DLG2: variants seen among roughly 807,000 people sequenced by gnomAD.
DLG2 encodes disks large homolog 2.
Under a neutral mutation model 132.5 loss-of-function variants are expected in DLG2, and 45 were observed. The observed-to-expected ratio is 0.34, with a 90% CI of 0.27 to 0.44. The LOEUF is 0.44. DLG2 is among the 20% of genes least tolerant of loss of function. The pLI, the probability that DLG2 is intolerant of heterozygous loss-of-function variation, is 1.00. For synonymous variants in DLG2, 424 were observed against 419.6 expected, an observed-to-expected ratio of 1.01 and a Z score of -0.13; for missense variants, 1,045 against 1,196.9, an observed-to-expected ratio of 0.87 and a Z score of 1.87.
chr11:84,620,976 T>C (rs373599656), intron 6 of DLG2, among the ~76,000 whole-genome samples: 2 of 152,114 alleles, frequency 1.3e-5, no homozygotes, highest in Admixed American at 1.3e-4. Flanking sequence ...TGAATAAATA[T>C]TATCCCAGAA....
chr11:84,232,080 A>AAT (rs1045610201), intron 8 of DLG2, among the ~76,000 whole-genome samples: 6 of 151,736 alleles, frequency 4.0e-5, no homozygotes, highest in African/African-American at 1.5e-4. Context: ...TAAGGAAAAA[A>AAT]ATATATATAA....
At chr11:84,868,110 T>C (rs1358558502) in intron 6 of DLG2, among the ~76,000 whole-genome samples, 1 of 148,006 alleles carries the variant, frequency 6.8e-6, no homozygotes, top group Non-Finnish European at 1.5e-5. Flanking sequence ...TATATTATTA[T>C]ATATTAATAA....
intron 3 of DLG2, among the ~76,000 whole-genome samples, chr11:85,519,715 T>C (rs1481673158): frequency 1.3e-5 from 2 of 152,130 alleles, no homozygotes; most frequent in African/African-American, 2.4e-5. Flanking sequence ...TGGAATAATA[T>C]GGTTTGGCTC....
At chr11:85,474,878 T>TA (rs2093092914) in intron 3 of DLG2, among the ~76,000 whole-genome samples, 1 of 151,634 alleles carries the variant, frequency 6.6e-6, no homozygotes, top group Non-Finnish European at 1.5e-5. Context: ...GTAAAAAGTT[T>TA]ATATCTTTCA....
chr11:83,613,085 T>C (rs1355604535), intron 19 of DLG2, among the ~76,000 whole-genome samples: 1 of 152,128 alleles, frequency 6.6e-6, no homozygotes. Flanking sequence ...TGCAGAGGCC[T>C]GGGATAGGCT....
chr11:85,497,258 C>T (rs1488590775), intron 3 of DLG2, among the ~76,000 whole-genome samples: 4 of 151,588 alleles, frequency 2.6e-5, no homozygotes, highest in Admixed American at 2.6e-4. Flanking sequence ...CTGAAAACCA[C>T]AGTACGAGAA....
In DLG2 at chr11:83,980,645, A is replaced by G. The variant is rs1239609906; in HGVS notation, c.920-3T>C. The stretch of plus-strand genomic sequence containing the variant: ...TCCTGCAATACTGAAGCCTAAACCT[A>G]TAAGAAAGGAACAGAAAATGGAAAG... On this transcript the variant is annotated splice_region_variant and splice_polypyrimidine_tract_variant and intron_variant, in intron 11 of 27. Coordinates refer to ENST00000376104, the MANE Select transcript of DLG2 (RefSeq NM_001142699.3). 5 of 1,573,890 alleles carry G rather than the reference A, an allele frequency of 3.2e-6. No individual in the cohort carries two copies. Among genetic ancestry groups the G allele is most frequent in the South Asian group, 2.4e-5 (2 of 83,972 alleles).
chr11:84,048,132 TATG>T (rs998266842), intron 11 of DLG2, among the ~76,000 whole-genome samples: 4 of 151,326 alleles, frequency 2.6e-5, no homozygotes, highest in Non-Finnish European at 5.9e-5. Context: ...ATTTATCAAA[TATG>T]GTGTCCTTCA....
At chr11:84,640,213 T>C (rs1048588373) in intron 6 of DLG2, 9 of 291,016 alleles carry the variant, frequency 3.1e-5, no homozygotes, top group Non-Finnish European at 5.3e-5. Flanking sequence ...TTTGTAGTCA[T>C]GCACAGAACA....
chr11:84,132,129 C>T (rs914293947), intron 9 of DLG2, among the ~76,000 whole-genome samples: 4 of 151,934 alleles, frequency 2.6e-5, no homozygotes, highest in African/African-American at 9.7e-5. Context: ...ATATCAAAAG[C>T]AGGGCATGAC....
At chr11:83,665,471 T>C (rs563371338) in intron 18 of DLG2, among the ~76,000 whole-genome samples, 65 of 152,242 alleles carry the variant, frequency 4.3e-4, no homozygotes, top group African/African-American at 1.5e-3. Flanking sequence ...AGAGTACAAA[T>C]GGGGGTTATA....
intron 16 of DLG2, among the ~76,000 whole-genome samples, chr11:83,840,987 A>G (rs1224159041): frequency 6.6e-6 from 1 of 152,080 alleles, no homozygotes; most frequent in Admixed American, 6.6e-5. Flanking sequence ...CTCAAGACCC[A>G]TGATCTTCAT....
intron 6 of DLG2, among the ~76,000 whole-genome samples, chr11:85,079,290 G>T (rs768743883): frequency 1.3e-4 from 20 of 152,180 alleles, no homozygotes; most frequent in Non-Finnish European, 2.6e-4. Flanking sequence ...GCTTCAGAGA[G>T]AGTAGATTGT....
intron 17 of DLG2, among the ~76,000 whole-genome samples, chr11:83,801,778 G>A (rs989410655): frequency 6.6e-6 from 1 of 151,998 alleles, no homozygotes; most frequent in African/African-American, 2.4e-5. Context: ...CCCGAGAAAA[G>A]CTTCCCATAA....
intron 4 of DLG2, among the ~76,000 whole-genome samples, chr11:85,270,465 G>C (rs1480703366): frequency 6.6e-6 from 1 of 152,164 alleles, no homozygotes; most frequent in Admixed American, 6.5e-5. Flanking sequence ...AGCTAATACA[G>C]TAATTTGGTA....
chr11:83,771,474 C>G (rs926080378), intron 18 of DLG2, among the ~76,000 whole-genome samples: 53 of 152,160 alleles, frequency 3.5e-4, no homozygotes, highest in African/African-American at 1.3e-3. Flanking sequence ...TCAGAGTGCA[C>G]TTACATGAAC....
intron 22 of DLG2, among the ~76,000 whole-genome samples, chr11:83,473,686 G>C (rs936263966): frequency 3.3e-5 from 5 of 152,024 alleles, no homozygotes; most frequent in African/African-American, 1.2e-4. Flanking sequence ...AGAAGAAATA[G>C]TGGAGCAGAA....
At chr11:84,666,656 A>C (rs1175417678) in intron 6 of DLG2, among the ~76,000 whole-genome samples, 1 of 152,114 alleles carries the variant, frequency 6.6e-6, no homozygotes, top group Non-Finnish European at 1.5e-5. Context: ...GTGTGTATAC[A>C]CATATATTTG....
intron 3 of DLG2, among the ~76,000 whole-genome samples, chr11:85,498,795 C>T (rs886967073): frequency 2.6e-5 from 4 of 151,206 alleles, no homozygotes; most frequent in South Asian, 2.1e-4. Flanking sequence ...TAAACTGGCT[C>T]AAATCTGCAC....
Sources: gnomAD v4.1 joint callset for allele counts (sites outside exome capture counted in the v4.1 genomes callset) on GRCh38, gnomAD v4.1.1 for gene constraint, MANE v1.5 for transcripts, NCBI Gene and HGNC (gene_info 2026-07-23, HGNC 2026-07-21) for gene names.